WWOX: variants seen among roughly 807,000 people sequenced by gnomAD.
WWOX encodes WW domain-containing oxidoreductase.
WWOX carries 69 observed loss-of-function variants against 46.2 expected under a neutral mutation model. That is an observed-to-expected ratio of 1.49 (90% CI 1.23 to 1.82). The LOEUF is 1.82. Among genes scored for constraint, WWOX ranks in the 40% most tolerant of loss-of-function variants. WWOX has a pLI of 0.00. For synonymous variants in WWOX, 359 were observed against 202.6 expected, an observed-to-expected ratio of 1.77 and a Z score of -6.56; for missense variants, 919 against 542.6, an observed-to-expected ratio of 1.69 and a Z score of -6.89.
At position 78,806,306 on chromosome 16, in the gene WWOX, A is replaced by C. The variant is rs368689856; in HGVS notation, c.1056+373554A>C. On this transcript the variant is annotated intron_variant, in intron 8 of 8. Coordinates refer to ENST00000566780, the MANE Select transcript of WWOX (RefSeq NM_016373.4). Reference sequence around the variant, plus strand: ...GAATTGAAGCATTTCCCTATTCTTTAGAGTTTCATTAAAGTTTGACTATAT... The same window carrying C: ...GAATTGAAGCATTTCCCTATTCTTTCGAGTTTCATTAAAGTTTGACTATAT... 1.6e-4 allele frequency among the ~76,000 whole-genome samples: 25 copies of C among 152,258 alleles called. No homozygotes were observed. In the South Asian group the frequency reaches 4.6e-3, roughly 28 times the overall value.
intron 6 of WWOX, among the ~76,000 whole-genome samples, chr16:78,388,307 A>G (rs2082101509): frequency 6.6e-6 from 1 of 152,148 alleles, no homozygotes; most frequent in Non-Finnish European, 1.5e-5. Flanking sequence ...CTGGGATTAC[A>G]CACATGAACC....
intron 5 of WWOX, among the ~76,000 whole-genome samples, chr16:78,203,278 C>T (rs1260602331): frequency 1.3e-5 from 2 of 151,994 alleles, no homozygotes; most frequent in African/African-American, 2.4e-5. Flanking sequence ...GTTTGGGGGG[C>T]CCCAAGTAGA....
At chr16:79,029,125 G>C (rs1225534370) in intron 8 of WWOX, among the ~76,000 whole-genome samples, 1 of 152,180 alleles carries the variant, frequency 6.6e-6, no homozygotes, top group Non-Finnish European at 1.5e-5. Flanking sequence ...GATAGCAACA[G>C]GATAAGCAGA....
intron 8 of WWOX, among the ~76,000 whole-genome samples, chr16:78,888,796 T>A (rs913438303): frequency 6.9e-6 from 1 of 144,836 alleles, no homozygotes; most frequent in Non-Finnish European, 1.6e-5. Context: ...GGTACAGTTC[T>A]AAGAGGATAT....
At chr16:79,004,814 A>C (rs1293795838) in intron 8 of WWOX, 1 of 152,254 alleles carries the variant, frequency 6.6e-6, no homozygotes, top group Non-Finnish European at 1.5e-5. Flanking sequence ...AAAAAGGCAC[A>C]GCAGGCACTT....
chr16:79,007,070 C>G (rs529667177), intron 8 of WWOX, among the ~76,000 whole-genome samples: 1 of 152,204 alleles, frequency 6.6e-6, no homozygotes, highest in Admixed American at 6.5e-5. Context: ...TCCACAGGCA[C>G]TTTGTCACAG....
At chr16:78,405,093 AAATAT>A (rs1407491724) in intron 6 of WWOX, among the ~76,000 whole-genome samples, 1 of 152,218 alleles carries the variant, frequency 6.6e-6, no homozygotes, top group Non-Finnish European at 1.5e-5. Flanking sequence ...TGGGATGGGA[AAATAT>A]AATCAAGGTA....
At chr16:78,966,941 A>G (rs34764963) in intron 8 of WWOX, among the ~76,000 whole-genome samples, 9,811 of 152,302 alleles carry the variant, frequency 0.064, 427 homozygotes, top group Non-Finnish European at 0.097. Context: ...TGTCTGGTAC[A>G]TGGTAAGGGG....
At chr16:78,941,088 C>G (rs2045842460) in intron 8 of WWOX, among the ~76,000 whole-genome samples, 1 of 152,078 alleles carries the variant, frequency 6.6e-6, no homozygotes, top group Non-Finnish European at 1.5e-5. Context: ...CCCTGATTGC[C>G]TCACATCTTG....
intron 8 of WWOX, among the ~76,000 whole-genome samples, chr16:78,474,752 G>A (rs953293090): frequency 3.9e-5 from 6 of 151,988 alleles, no homozygotes; most frequent in African/African-American, 9.7e-5. Context: ...CTCTTCCCCA[G>A]CCTCTGCGAA....
At chr16:78,268,782 G>C (rs2079418597) in intron 5 of WWOX, among the ~76,000 whole-genome samples, 1 of 151,882 alleles carries the variant, frequency 6.6e-6, no homozygotes, top group South Asian at 2.1e-4. Context: ...CCTTCATGTT[G>C]TTTATTTCTT....
At chr16:78,362,828 G>A (rs1483881881) in intron 5 of WWOX, among the ~76,000 whole-genome samples, 1 of 152,140 alleles carries the variant, frequency 6.6e-6, no homozygotes, top group Non-Finnish European at 1.5e-5. Context: ...TCTTATGAAG[G>A]AGATACTAGT....
chr16:78,798,636 G>C (rs1021532597), intron 8 of WWOX, among the ~76,000 whole-genome samples: 8 of 149,006 alleles, frequency 5.4e-5, no homozygotes, highest in African/African-American at 2.0e-4. Flanking sequence ...TTTCCATATA[G>C]GTTTTTCTCG....
intron 5 of WWOX, among the ~76,000 whole-genome samples, chr16:78,223,944 G>A (rs148366517): frequency 7.9e-4 from 121 of 152,312 alleles, no homozygotes; most frequent in African/African-American, 2.8e-3. Flanking sequence ...GTAAGTGACT[G>A]CTGAAGTACA....
intron 8 of WWOX, among the ~76,000 whole-genome samples, chr16:78,528,871 TACTC>T (rs933126973): frequency 6.6e-6 from 1 of 152,160 alleles, no homozygotes; most frequent in South Asian, 2.1e-4. Flanking sequence ...ATTCCCAGCT[TACTC>T]ACATCATAGA....
intron 8 of WWOX, among the ~76,000 whole-genome samples, chr16:79,116,532 C>G (rs918903977): frequency 1.3e-5 from 2 of 152,176 alleles, no homozygotes; most frequent in African/African-American, 4.8e-5. Context: ...TTGCTCATCT[C>G]TAAGAAGCAA....
chr16:78,937,994 C>T (rs981738501), intron 8 of WWOX, among the ~76,000 whole-genome samples: 1 of 152,194 alleles, frequency 6.6e-6, no homozygotes, highest in Non-Finnish European at 1.5e-5. Flanking sequence ...ACTTAGTTCT[C>T]AAAGTCCTTG....
intron 8 of WWOX, among the ~76,000 whole-genome samples, chr16:78,961,279 A>G (rs1597209720): frequency 6.6e-6 from 1 of 152,380 alleles, no homozygotes; most frequent in Non-Finnish European, 1.5e-5. Context: ...TGATAGTTAT[A>G]TATGAACTGA....
rs912601644 is a variant in WWOX, at chr16:78,221,265, A to C, written c.516+56976A>C. 3.3e-5 allele frequency among the ~76,000 whole-genome samples: 5 copies of C among 152,288 alleles called. No homozygotes were observed. In the South Asian group the frequency reaches 1.0e-3, roughly 32 times the overall value. ...GATTTTTATATTTTCTATAATTTCT[A>C]TTTGTATTGGAGTAAACTGTTCGTT... On this transcript the variant is annotated intron_variant, in intron 5 of 8. Coordinates refer to ENST00000566780, the MANE Select transcript of WWOX (RefSeq NM_016373.4).
Sources: allele counts gnomAD v4.1 joint callset (sites outside exome capture counted in the v4.1 genomes callset), GRCh38; gene constraint gnomAD v4.1.1; transcripts MANE v1.5; gene names NCBI Gene and HGNC (gene_info 2026-07-23, HGNC 2026-07-21).